Variants in XKR4 observed in about 807,000 individuals in gnomAD.
The protein encoded by XKR4 is XK related 4.
In XKR4, 12 loss-of-function variants were observed where a neutral mutation model predicts 53.9. That is an observed-to-expected ratio of 0.22 (90% CI 0.14 to 0.36). XKR4 has a LOEUF of 0.36. XKR4 is among the 10% of genes least tolerant of loss of function. The probability of loss-of-function intolerance (pLI) is 1.00; values close to 1 mark genes in which losing one functional copy is unlikely to be tolerated. For missense variants in XKR4, 799 were observed against 859.5 expected (o/e 0.93, Z 0.88); for synonymous variants, 354 against 362.4 (o/e 0.98, Z 0.26).
intron 2 of XKR4, among the ~76,000 whole-genome samples, chr8:55,479,826 A>G (rs2129401032): frequency 6.6e-6 from 1 of 152,272 alleles, no homozygotes; most frequent in South Asian, 2.1e-4. Context: ...CTCAACAAAC[A>G]CACTCTCCCA....
intron 2 of XKR4, among the ~76,000 whole-genome samples, chr8:55,376,214 T>C (rs1432189685): frequency 6.6e-6 from 1 of 152,212 alleles, no homozygotes; most frequent in Non-Finnish European, 1.5e-5. Context: ...CTTTGCAATA[T>C]AATGATTTAT....
At chr8:55,333,641 A>G (rs1563326404) in intron 1 of XKR4, among the ~76,000 whole-genome samples, 1 of 152,154 alleles carries the variant, frequency 6.6e-6, no homozygotes, top group African/African-American at 2.4e-5. Context: ...AGTTATAACA[A>G]TAGCCTCCAA....
intron 2 of XKR4, among the ~76,000 whole-genome samples, chr8:55,440,607 A>G (rs1400422342): frequency 6.6e-6 from 1 of 152,170 alleles, no homozygotes; most frequent in African/African-American, 2.4e-5. Context: ...CAGCAAAAAA[A>G]AATGGAATGA....
chr8:55,523,078 C>G (rs921690047), intron 2 of XKR4, among the ~76,000 whole-genome samples: 12 of 150,628 alleles, frequency 8.0e-5, no homozygotes, highest in African/African-American at 2.9e-4. Context: ...GGAGGCGGAG[C>G]TTGCAGTGAG....
intron 1 of XKR4, chr8:55,142,015 T>G: frequency 2.2e-6 from 1 of 451,188 alleles, no homozygotes; most frequent in South Asian, 1.6e-5. Flanking sequence ...TGGGCTGGCT[T>G]AAGAGACTGA....
At chr8:55,161,715 G>A (rs764285937) in intron 1 of XKR4, 1 of 436,574 alleles carries the variant, frequency 2.3e-6, no homozygotes, top group Admixed American at 2.4e-5. Context: ...AATTCCTCCA[G>A]GCAGGTGCCA....
intron 2 of XKR4, among the ~76,000 whole-genome samples, chr8:55,426,941 A>G (rs1057502248): frequency 6.6e-6 from 1 of 152,236 alleles, no homozygotes; most frequent in Non-Finnish European, 1.5e-5. Flanking sequence ...ATGTAATAAC[A>G]TTGTGGAATA....
chr8:55,260,133 C>T (rs976592265), intron 1 of XKR4, among the ~76,000 whole-genome samples: 2 of 152,182 alleles, frequency 1.3e-5, no homozygotes, highest in Non-Finnish European at 2.9e-5. Flanking sequence ...GTACCAGGCA[C>T]AGTGGGCGCT....
intron 1 of XKR4, among the ~76,000 whole-genome samples, chr8:55,201,690 C>T (rs950303229): frequency 1.3e-5 from 2 of 152,198 alleles, no homozygotes; most frequent in Admixed American, 1.3e-4. Flanking sequence ...AGACCTGTTT[C>T]TGGAATTTTC....
In XKR4 at chr8:55,521,395, T is replaced by A. The variant is rs556413016; in HGVS notation, c.1007-1886T>A. On this transcript the variant is annotated intron_variant, in intron 2 of 2. Transcript: ENST00000327381. Reference sequence around the variant, plus strand: ...CTTTTGTCATTTTTTAAACTTTTTCTCCTTCCCCCTCTTTCACTCCAGAAT... The same window carrying A: ...CTTTTGTCATTTTTTAAACTTTTTCACCTTCCCCCTCTTTCACTCCAGAAT... Among the ~76,000 whole-genome samples the A allele has an allele frequency of 1.3e-4, 20 of 152,358 alleles. No homozygotes were observed. The South Asian group carries it at 3.9e-3, about 30-fold the overall frequency.
At chr8:55,443,328 AAATT>A (rs975148114) in intron 2 of XKR4, among the ~76,000 whole-genome samples, 5 of 151,770 alleles carry the variant, frequency 3.3e-5, no homozygotes, top group Non-Finnish European at 7.4e-5. Flanking sequence ...CCACATTAAC[AAATT>A]AATGGAGGCA....
At chr8:55,288,555 G>A (rs867227325) in intron 1 of XKR4, among the ~76,000 whole-genome samples, 8 of 152,210 alleles carry the variant, frequency 5.3e-5, no homozygotes, top group Middle Eastern at 3.4e-3. Context: ...CTTATACTTG[G>A]AGAATATTTA....
chr8:55,128,635 CTG>C (rs1563463381), intron 1 of XKR4, among the ~76,000 whole-genome samples: 2 of 152,326 alleles, frequency 1.3e-5, no homozygotes, highest in Non-Finnish European at 2.9e-5. Flanking sequence ...TCTTGGATGA[CTG>C]TTTAAACTCA....
intron 1 of XKR4, among the ~76,000 whole-genome samples, chr8:55,289,653 G>A (rs1266178718): frequency 3.9e-5 from 4 of 101,832 alleles, no homozygotes; most frequent in Non-Finnish European, 8.2e-5. Flanking sequence ...AAGAAAGGAA[G>A]GAAGGAAAAG....
rs921112297 is a variant in XKR4 at position 55,260,173 on chromosome 8, A to G, written c.807-97505A>G. Reference sequence around the variant, plus strand: ...GAATACTTGCAGAATATATGGACAAATGAATCCCTATTCTTTCCCCTACAG... The same window carrying G: ...GAATACTTGCAGAATATATGGACAAGTGAATCCCTATTCTTTCCCCTACAG... On this transcript the variant is annotated intron_variant, in intron 1 of 2. Coordinates refer to ENST00000327381, the MANE Select transcript of XKR4 (RefSeq NM_052898.2). Among the ~76,000 whole-genome samples, 5 of 152,196 alleles carry G rather than the reference A, an allele frequency of 3.3e-5. 1 individual carries two copies. Among genetic ancestry groups the G allele is most frequent in the Non-Finnish European group, 7.3e-5 (5 of 68,036 alleles).
intron 2 of XKR4, among the ~76,000 whole-genome samples, chr8:55,388,995 G>A (rs1395091983): frequency 6.6e-6 from 1 of 152,188 alleles, no homozygotes; most frequent in East Asian, 1.9e-4. Context: ...GCTAAGATGA[G>A]GTGATCAGGG....
intron 1 of XKR4, among the ~76,000 whole-genome samples, chr8:55,288,341 T>C (rs1341859271): frequency 6.6e-6 from 1 of 152,234 alleles, no homozygotes; most frequent in Non-Finnish European, 1.5e-5. Context: ...GCAGTAATTT[T>C]AAAAAGTTGC....
chr8:55,294,283 G>A (rs1819070938), intron 1 of XKR4, among the ~76,000 whole-genome samples: 1 of 152,038 alleles, frequency 6.6e-6, no homozygotes, highest in South Asian at 2.1e-4. Context: ...TCTTGAACAG[G>A]GACAGGTATT....
rs558522137 is a variant in XKR4, at chr8:55,179,486, C to T, written c.806+76192C>T. ...TCCATTTGTGGCTTTTGTGCTGGGC[C>T]GTTGATCATTAGAAAGTAATCTGTA... On this transcript the variant is annotated intron_variant, in intron 1 of 2. Coordinates refer to ENST00000327381, the MANE Select transcript of XKR4 (RefSeq NM_052898.2). Among the ~76,000 whole-genome samples, 81 of 152,204 alleles carry T rather than the reference C, an allele frequency of 5.3e-4. 1 individual carries two copies. The highest frequency in any genetic ancestry group is 3.9e-3 in the Admixed American group (59 of 15,288).
Sources: allele counts gnomAD v4.1 joint callset (sites outside exome capture counted in the v4.1 genomes callset), GRCh38; gene constraint gnomAD v4.1.1; transcripts MANE v1.5; gene names NCBI Gene and HGNC (gene_info 2026-07-23, HGNC 2026-07-21).